CCSER1: variants seen among roughly 807,000 people sequenced by gnomAD.
The protein encoded by CCSER1 is serine-rich coiled-coil domain-containing protein 1.
Under a neutral mutation model 82.0 loss-of-function variants are expected in CCSER1, and 41 were observed. That is an observed-to-expected ratio of 0.50 (90% CI 0.39 to 0.65). The LOEUF (loss-of-function observed/expected upper bound fraction) is 0.65, where lower values mean the gene tolerates loss of function less well. Among genes scored for constraint, CCSER1 ranks in the 30% least tolerant of loss-of-function variants. CCSER1 has a pLI of 0.00. For synonymous variants in CCSER1, 414 were observed against 383.9 expected, an observed-to-expected ratio of 1.08 and a Z score of -0.92; for missense variants, 1,119 against 1,064.2, an observed-to-expected ratio of 1.05 and a Z score of -0.72.
chr4:91,170,344 C>T (rs1732623126), intron 10 of CCSER1, among the ~76,000 whole-genome samples: 1 of 151,986 alleles, frequency 6.6e-6, no homozygotes, highest in Admixed American at 6.6e-5. Flanking sequence ...GCACTGTATA[C>T]AAATCTAATA....
intron 10 of CCSER1, among the ~76,000 whole-genome samples, chr4:91,479,126 A>G (rs999092673): frequency 3.3e-5 from 5 of 151,714 alleles, no homozygotes; most frequent in African/African-American, 9.7e-5. Flanking sequence ...TTTTGAAATT[A>G]TGAAATTGAC....
At chr4:90,167,571 C>T (rs889606660) in intron 1 of CCSER1, among the ~76,000 whole-genome samples, 32 of 152,116 alleles carry the variant, frequency 2.1e-4, no homozygotes, top group African/African-American at 7.5e-4. Context: ...TGCGCCGCAC[C>T]CAGTAACTCG....
At chr4:90,827,487 A>G (rs1354033555) in intron 8 of CCSER1, among the ~76,000 whole-genome samples, 1 of 152,126 alleles carries the variant, frequency 6.6e-6, no homozygotes, top group Non-Finnish European at 1.5e-5. Context: ...AAACAGAAAA[A>G]TTTATTTTAG....
intron 3 of CCSER1, among the ~76,000 whole-genome samples, chr4:90,351,117 G>T (rs1448279534): frequency 6.6e-6 from 1 of 152,106 alleles, no homozygotes; most frequent in East Asian, 1.9e-4. Flanking sequence ...TAATTAAGAA[G>T]GGATGCTGTT....
chr4:91,334,686 T>C (rs989759390), intron 10 of CCSER1, among the ~76,000 whole-genome samples: 2 of 152,102 alleles, frequency 1.3e-5, no homozygotes, highest in Non-Finnish European at 2.9e-5. Context: ...GCTGTATTTG[T>C]GCATTGTTTT....
At chr4:91,464,881 C>T (rs1756773153) in intron 10 of CCSER1, among the ~76,000 whole-genome samples, 1 of 152,196 alleles carries the variant, frequency 6.6e-6, no homozygotes, top group Non-Finnish European at 1.5e-5. Context: ...TACAAAGAGA[C>T]TTAGACTCCC....
intron 1 of CCSER1, among the ~76,000 whole-genome samples, chr4:90,228,262 G>A (rs1012675934): frequency 4.6e-5 from 7 of 152,090 alleles, no homozygotes; most frequent in South Asian, 2.1e-4. Context: ...CTCCCAGCAC[G>A]CAGCTGGAGA....
chr4:91,136,723 A>G (rs1331267718), intron 10 of CCSER1, among the ~76,000 whole-genome samples: 1 of 152,156 alleles, frequency 6.6e-6, no homozygotes, highest in Non-Finnish European at 1.5e-5. Flanking sequence ...ATTGATAAAG[A>G]TAGGTTTTAT....
At chr4:91,355,634 G>T (rs1302633683) in intron 10 of CCSER1, among the ~76,000 whole-genome samples, 1 of 152,154 alleles carries the variant, frequency 6.6e-6, no homozygotes, top group East Asian at 1.9e-4. Flanking sequence ...TACTGAAAAA[G>T]TCCAAATTTT....
chr4:91,020,012 TTTAA>T (rs1355087675), intron 9 of CCSER1, among the ~76,000 whole-genome samples: 2 of 152,222 alleles, frequency 1.3e-5, no homozygotes, highest in African/African-American at 4.8e-5. Context: ...TGTCATGAAC[TTTAA>T]TTAAATGAGA....
chr4:90,648,329 GAA>G (rs1344562362), intron 6 of CCSER1, among the ~76,000 whole-genome samples: 1 of 151,282 alleles, frequency 6.6e-6, no homozygotes, highest in African/African-American at 2.4e-5. Context: ...AAGAAAGAAA[GAA>G]AGAAAGAAAG....
rs548564497 is a variant in CCSER1, at chr4:91,407,687, A to G, written c.2218-190885A>G. ...GGGAAACAGGAGCAGGCTTCTATAC[A>G]GAGATCACATGGTGAGAGAAGGGAC... On this transcript the variant is annotated intron_variant, in intron 10 of 10. Coordinates refer to ENST00000509176, the MANE Select transcript of CCSER1 (RefSeq NM_001145065.2). 2.0e-5 allele frequency among the ~76,000 whole-genome samples: 3 copies of G among 152,254 alleles called. 1 individual carries two copies. The East Asian group carries it at 5.8e-4, about 29-fold the overall frequency.
chr4:90,466,357 T>C (rs913686943), intron 4 of CCSER1, among the ~76,000 whole-genome samples: 1 of 152,214 alleles, frequency 6.6e-6, no homozygotes, highest in Non-Finnish European at 1.5e-5. Context: ...CATGAACCTG[T>C]GAGTAGCCCT....
At chr4:90,612,818 C>G (rs1337345691) in intron 5 of CCSER1, among the ~76,000 whole-genome samples, 1 of 152,066 alleles carries the variant, frequency 6.6e-6, no homozygotes, top group African/African-American at 2.4e-5. Flanking sequence ...AAATGTTATA[C>G]CAGTCTCTTA....
chr4:90,344,713 C>G (rs1742020337), intron 3 of CCSER1, among the ~76,000 whole-genome samples: 1 of 152,036 alleles, frequency 6.6e-6, no homozygotes, highest in African/African-American at 2.4e-5. Flanking sequence ...AGTTGGGGAG[C>G]ATCTGTACTT....
At chr4:91,468,357 G>A (rs1031852330) in intron 10 of CCSER1, among the ~76,000 whole-genome samples, 1 of 152,118 alleles carries the variant, frequency 6.6e-6, no homozygotes, top group Non-Finnish European at 1.5e-5. Context: ...CTGTCATGGT[G>A]TGCAGGGAGG....
chr4:90,300,170 T>C (rs1164866186), intron 1 of CCSER1, among the ~76,000 whole-genome samples: 1 of 152,118 alleles, frequency 6.6e-6, no homozygotes, highest in East Asian at 1.9e-4. Context: ...AATAAAAATA[T>C]AAATTTAGGG....
At chr4:91,462,985 G>A (rs1012375527) in intron 10 of CCSER1, among the ~76,000 whole-genome samples, 13 of 152,234 alleles carry the variant, frequency 8.5e-5, no homozygotes, top group African/African-American at 2.2e-4. Context: ...TAAATGTCCC[G>A]GTCTGACAGC....
intron 10 of CCSER1, among the ~76,000 whole-genome samples, chr4:91,443,739 A>G (rs1384916309): frequency 2.7e-5 from 4 of 148,414 alleles, no homozygotes; most frequent in South Asian, 4.2e-4. Flanking sequence ...ATGTATATAT[A>G]TATAAATATG....
Sources: allele counts gnomAD v4.1 joint callset (sites outside exome capture counted in the v4.1 genomes callset), GRCh38; gene constraint gnomAD v4.1.1; transcripts MANE v1.5; gene names NCBI Gene and HGNC (gene_info 2026-07-23, HGNC 2026-07-21).